Variants in SLC6A17 observed in about 807,000 individuals in gnomAD.
The protein encoded by SLC6A17 is sodium-dependent neutral amino acid transporter SLC6A17.
A neutral mutation model predicts 64.5 loss-of-function variants in SLC6A17; 21 were observed. The observed-to-expected ratio is 0.33, with a 90% CI of 0.23 to 0.47. The LOEUF (loss-of-function observed/expected upper bound fraction) is 0.47. Among genes scored for constraint, SLC6A17 ranks in the 20% least tolerant of loss-of-function variants. SLC6A17 has a pLI of 1.00. For synonymous variants in SLC6A17, 372 were observed against 399.5 expected (o/e 0.93, Z 0.82); for missense variants, 682 against 963.2 (o/e 0.71, Z 3.86).
At chr1:110,194,913 G>T (rs182816102) in intron 9 of SLC6A17, 142 bp downstream of exon 9, 3 of 1,001,068 alleles carry the variant, frequency 3.0e-6, no homozygotes, top group African/African-American at 3.2e-5. Context: ...GAGCCTGGCT[G>T]TGCCACTCAG....
At position 110,195,574 on chromosome 1, in the gene SLC6A17, G is replaced by A; in HGVS notation, c.1493-12G>A. ...ACCTTTGCCCCCAAACCGGCCTCCC[G>A]GCTCTCTGTAGTGGGCTGCTGTGTC... is the stretch of plus-strand genomic sequence containing the variant. On this transcript the variant is annotated splice_polypyrimidine_tract_variant and intron_variant, in intron 9 of 11. Transcript: ENST00000331565. 1 of 1,613,848 alleles carries A rather than the reference G, an allele frequency of 6.2e-7. No homozygotes were observed.
rs751928037 is a variant in SLC6A17 at position 110,172,070 on chromosome 1, G to A, written c.297G>A (p.Leu99=). ...CTGCTCTCCCCACAGGTGCTTACCT[G>A]GTGCCCTACCTGGTGCTGCTGATCA... is the stretch of plus-strand genomic sequence containing the variant. ...LCQKNGGGAY[L]VPYLVLLIII... is the part of the protein sequence containing the mutation. The change falls in exon 3 of 12, where the codon CTG becomes CTA. Residue 99 remains leucine, a synonymous_variant. Transcript: ENST00000331565. 2 of 1,613,938 alleles carry A rather than the reference G, an allele frequency of 1.2e-6. No individual in the cohort carries two copies. The highest frequency in any genetic ancestry group is 1.1e-5 in the South Asian group (1 of 91,080).
intron 11 of SLC6A17, 22 bp downstream of exon 11, chr1:110,197,621 C>T (rs1192125454): frequency 5.1e-6 from 8 of 1,567,316 alleles, no homozygotes; most frequent in Non-Finnish European, 6.9e-6. Context: ...GGCCCCAAAC[C>T]CCAGGGACAT....
At chr1:110,173,832 C>T (rs550391545) in intron 3 of SLC6A17, 141 bp from the exon 4 acceptor site, 16 of 1,264,746 alleles carry the variant, frequency 1.3e-5, no homozygotes, top group South Asian at 8.8e-5. Context: ...CTCCACGGCC[C>T]GCACCCTATC....
At chr1:110,173,915 TGGGG>T in intron 3 of SLC6A17, 54 bp from the exon 4 acceptor site, 16 of 1,539,990 alleles carry the variant, frequency 1.0e-5, no homozygotes, top group Admixed American at 9.5e-5. Flanking sequence ...GGGTGGAGCG[TGGGG>T]GCAGGGTGGA....
In SLC6A17 at chr1:110,164,110, T is replaced by C. The variant is rs569813839; in HGVS notation, c.-87-2733T>C. On this transcript the variant is annotated intron_variant, in intron 1 of 11. Transcript: ENST00000331565. ...ACAAGAGGAGACACTTTGCCTGTTTTGTTTGCTGCTGTATCCCTCACACCT... is the reference window on the plus strand; with the variant it reads ...ACAAGAGGAGACACTTTGCCTGTTTCGTTTGCTGCTGTATCCCTCACACCT... Among the ~76,000 whole-genome samples, 202 of 152,330 alleles carry C rather than the reference T, an allele frequency of 1.3e-3. 1 individual carries two copies. Among genetic ancestry groups the C allele is most frequent in the African/African-American group, 4.8e-3 (199 of 41,572 alleles).
chr1:110,161,467 G>A (rs971617211), intron 1 of SLC6A17, among the ~76,000 whole-genome samples: 1 of 151,902 alleles, frequency 6.6e-6, no homozygotes, highest in Non-Finnish European at 1.5e-5. Context: ...GATGTGCTTG[G>A]CCACAGCCAC....
chr1:110,152,979 T>C (rs1655648365), intron 1 of SLC6A17, among the ~76,000 whole-genome samples: 1 of 152,198 alleles, frequency 6.6e-6, no homozygotes, highest in African/African-American at 2.4e-5. Flanking sequence ...CAGCTTCACA[T>C]AGACCTGTTT....
chr1:110,153,548 T>TGTGTGTGTGTGTGTGTGTGTGC (rs1309186737), intron 1 of SLC6A17, among the ~76,000 whole-genome samples: 1 of 151,956 alleles, frequency 6.6e-6, no homozygotes, highest in Non-Finnish European at 1.5e-5. Context: ...TGTGTGTGTG[T>TGTGTGTGTGTGTGTGTGTGTGC]GTGCATTGCA....
In SLC6A17 at chr1:110,151,311, A is replaced by T. The variant is rs564148148; in HGVS notation, c.-88+428A>T. Among the ~76,000 whole-genome samples, 28 of 152,352 alleles carry T rather than the reference A, an allele frequency of 1.8e-4. 1 individual carries two copies. The highest frequency in any genetic ancestry group is 1.2e-3 in the Admixed American group (19 of 15,310). On this transcript the variant is annotated intron_variant, in intron 1 of 11. Transcript: ENST00000331565. ...AGCCTCTTACGCAGCTGGAGACCCC[A>T]GCCCCAGCCGCTCGGCCTCAGGCCT...
At chr1:110,191,542 T>G (rs558178449) in intron 6 of SLC6A17, among the ~76,000 whole-genome samples, 1 of 152,232 alleles carries the variant, frequency 6.6e-6, no homozygotes, top group East Asian at 1.9e-4. Flanking sequence ...ATTCTCAGTT[T>G]TCTTGTGCTG....
rs55986433 is a variant in SLC6A17, at chr1:110,186,445, C to CAAA, written c.865-5514_865-5512dup. On this transcript the variant is annotated intron_variant, in intron 6 of 11. Transcript: ENST00000331565. Reference sequence around the variant, plus strand: ...CATAGATAAAAAAGGAAATAATTACCAAAAAAAAAAAAAAAGGAAAGAGAA... The same window carrying CAAA: ...CATAGATAAAAAAGGAAATAATTACCAAAAAAAAAAAAAAAAAAGGAAAGAGAA... 2.3e-3 allele frequency among the ~76,000 whole-genome samples: 203 copies of CAAA among 87,936 alleles called. 2 individuals are homozygous for CAAA. Among genetic ancestry groups the CAAA allele is most frequent in the South Asian group, 5.9e-3 (17 of 2,900 alleles). The allele number at this position is 87,936 out of a possible 152,430, so 57.7% of individuals were successfully genotyped here. A position where few individuals can be genotyped will look rare whatever the true frequency, so the allele number is the denominator to read the frequency against.
Position 110,151,088 on chromosome 1 carries a change from T to C in SLC6A17, c.-88+205T>C, listed in dbSNP as rs112987103. 8.7e-3 allele frequency among the ~76,000 whole-genome samples: 1,319 copies of C among 152,330 alleles called. 17 individuals carry two copies. The highest frequency in any genetic ancestry group is 0.03 in the African/African-American group (1,266 of 41,578). ...GGCGACGGAGCCCCGGGGCCCGCTC[T>C]CCTTCGCGCATCGGGGTCCCCAGCG... On this transcript the variant is annotated intron_variant, in intron 1 of 11. Transcript: ENST00000331565.
chr1:110,172,274 T>C (rs981729358), intron 3 of SLC6A17, 57 bp downstream of exon 3: 7 of 1,522,340 alleles, frequency 4.6e-6, no homozygotes, highest in African/African-American at 4.1e-5. Context: ...CTCCTGGGCA[T>C]TGGAGACGAG....
At chr1:110,165,578 C>A (rs1377166671) in intron 1 of SLC6A17, among the ~76,000 whole-genome samples, 4 of 152,170 alleles carry the variant, frequency 2.6e-5, no homozygotes, top group Non-Finnish European at 4.4e-5. Flanking sequence ...CCCCATAAAC[C>A]TCCCAGTTTC....
chr1:110,159,769 G>C (rs1020224345), intron 1 of SLC6A17, among the ~76,000 whole-genome samples: 8 of 152,178 alleles, frequency 5.3e-5, no homozygotes, highest in African/African-American at 1.9e-4. Flanking sequence ...CATCCTTGGG[G>C]CATGATATGG....
chr1:110,153,797 T>C (rs1017586070), intron 1 of SLC6A17, among the ~76,000 whole-genome samples: 11 of 152,204 alleles, frequency 7.2e-5, no homozygotes, highest in South Asian at 2.1e-4. Context: ...GATTTAAGCT[T>C]TTTTGCTAGA....
chr1:110,182,837 T>TAATGGGTTGAAGGGAA (rs1211486067), intron 6 of SLC6A17, among the ~76,000 whole-genome samples: 5 of 151,934 alleles, frequency 3.3e-5, no homozygotes, highest in Non-Finnish European at 4.4e-5. Context: ...AATCTAATAA[T>TAATGGGTTGAAGGGAA]AATGGGTTGA....
intron 1 of SLC6A17, among the ~76,000 whole-genome samples, chr1:110,158,534 G>A (rs933899049): frequency 2.0e-5 from 3 of 152,220 alleles, no homozygotes; most frequent in African/African-American, 7.2e-5. Context: ...GCCCCTGAGG[G>A]CCTGGCCTGA....
Sources: allele counts gnomAD v4.1 joint callset (sites outside exome capture counted in the v4.1 genomes callset), GRCh38; gene constraint gnomAD v4.1.1; transcripts MANE v1.5; gene names NCBI Gene and HGNC (gene_info 2026-07-23, HGNC 2026-07-21).